The following LAMA2 variants were observed in gnomAD, a reference collection of about 807,000 sequenced individuals.
The protein encoded by LAMA2 is laminin subunit alpha 2.
A neutral mutation model predicts 364.8 loss-of-function variants in LAMA2; 269 were observed. The observed-to-expected ratio is 0.74, with a 90% CI of 0.67 to 0.82. LAMA2 has a LOEUF of 0.82. Ranked by LOEUF, LAMA2 falls within the 40% of genes least tolerant of loss-of-function variation. The pLI is 0.00. For synonymous variants in LAMA2, 1,379 were observed against 1,370.6 expected (o/e 1.01, Z -0.14); for missense variants, 3,807 against 3,873.2 (o/e 0.98, Z 0.45).
chr6:129,060,549 G>T (rs950880199), intron 3 of LAMA2, among the ~76,000 whole-genome samples: 1 of 152,182 alleles, frequency 6.6e-6, no homozygotes. Context: ...ATTTAGGCTT[G>T]CAATTAGGAT....
chr6:129,422,059 A>C (rs1424865279), intron 40 of LAMA2, among the ~76,000 whole-genome samples: 2 of 152,016 alleles, frequency 1.3e-5, no homozygotes, highest in African/African-American at 2.4e-5. Context: ...TGACCTGTCT[A>C]ATAGCCTTAC....
At chr6:129,068,960 T>C (rs1220912957) in intron 3 of LAMA2, among the ~76,000 whole-genome samples, 1 of 152,216 alleles carries the variant, frequency 6.6e-6, no homozygotes, top group Non-Finnish European at 1.5e-5. Context: ...AGGATATGTA[T>C]TTTGATCTAA....
intron 3 of LAMA2, among the ~76,000 whole-genome samples, chr6:129,066,193 C>G (rs1481247067): frequency 3.4e-5 from 5 of 148,786 alleles, no homozygotes; most frequent in African/African-American, 1.2e-4. Flanking sequence ...CTACAGGCGC[C>G]CGCCACTACG....
intron 12 of LAMA2, among the ~76,000 whole-genome samples, chr6:129,199,727 A>C (rs78063861): frequency 1.7e-4 from 26 of 152,298 alleles, no homozygotes; most frequent in Non-Finnish European, 3.5e-4. Flanking sequence ...ATAGCAATAC[A>C]TATAAATAGT....
chr6:129,473,849 A>T (rs534475275), intron 52 of LAMA2, among the ~76,000 whole-genome samples: 1 of 151,332 alleles, frequency 6.6e-6, no homozygotes, highest in East Asian at 1.9e-4. Flanking sequence ...CCATGCCAAC[A>T]TTTTTTTTTA....
At chr6:129,329,447 C>T (rs371090419) in intron 29 of LAMA2, among the ~76,000 whole-genome samples, 2 of 152,076 alleles carry the variant, frequency 1.3e-5, no homozygotes, top group Non-Finnish European at 2.9e-5. Flanking sequence ...CTGCAACCTC[C>T]GACTCCCGGG....
chr6:129,514,688 CT>C (rs1786893827), intron 64 of LAMA2, 93 bp downstream of exon 64: 2 of 958,480 alleles, frequency 2.1e-6, no homozygotes, highest in African/African-American at 3.2e-5. Flanking sequence ...AGAATGTGTG[CT>C]TATGTGTACT....
chr6:128,941,835 C>T (rs536157519), intron 1 of LAMA2, among the ~76,000 whole-genome samples: 1 of 152,058 alleles, frequency 6.6e-6, no homozygotes, highest in East Asian at 1.9e-4. Context: ...TCAAATGCAC[C>T]GTGCAGTTAG....
Position 129,280,147 on chromosome 6 carries a change from G to C in LAMA2, c.2537G>C (p.Arg846Thr). The C allele has an allele frequency of 6.3e-7, 1 of 1,589,032 alleles. No individual in the cohort carries two copies. Among genetic ancestry groups the C allele is most frequent in the Non-Finnish European group, 8.6e-7 (1 of 1,157,400 alleles). ...GGGTACACAGGACCACGCTGTGAGA[G>C]GTAAGAGTATACTACACTGTCTTGC... ...PVGYTGPRCE[R>T]CAEGYFGQPS... Residue 846 changes from arginine (R) to threonine (T), a missense_variant and splice_region_variant, in exon 18 of 65, where the codon AGG (arginine) becomes ACG (threonine). Arg to Thr is a moderately conservative substitution (Grantham distance 71). Coordinates refer to ENST00000421865, the MANE Select transcript of LAMA2 (RefSeq NM_000426.4).
chr6:129,164,826 G>A (rs1562290485), intron 8 of LAMA2, among the ~76,000 whole-genome samples: 1 of 152,106 alleles, frequency 6.6e-6, no homozygotes. Flanking sequence ...GTGAATTGCA[G>A]TTTAACAGCT....
At chr6:129,379,376 T>A (rs1410331711) in intron 34 of LAMA2, among the ~76,000 whole-genome samples, 2 of 151,912 alleles carry the variant, frequency 1.3e-5, no homozygotes, top group Non-Finnish European at 2.9e-5. Context: ...CATGTATCCC[T>A]GAACTTAAAA....
intron 3 of LAMA2, among the ~76,000 whole-genome samples, chr6:129,090,823 C>T (rs1341103295): frequency 6.6e-6 from 1 of 152,142 alleles, no homozygotes; most frequent in African/African-American, 2.4e-5. Context: ...TGTTTCTGGT[C>T]ATTGATCAGC....
At chr6:128,948,689 G>T (rs1409461179) in intron 1 of LAMA2, among the ~76,000 whole-genome samples, 6 of 152,174 alleles carry the variant, frequency 3.9e-5, no homozygotes, top group Admixed American at 1.3e-4. Context: ...CTCATGAATG[G>T]TGTAGCACCA....
rs866554936 is a variant in LAMA2 at position 129,152,115 on chromosome 6, G to T, written c.1028-2390G>T. ...GATCTTACATATCAATAAGAAAAAA[G>T]TTAACCTGTTAGAAAGATCAAAACA... is the stretch of plus-strand genomic sequence containing the variant. On this transcript the variant is annotated intron_variant, in intron 7 of 64. Coordinates refer to ENST00000421865, the MANE Select transcript of LAMA2 (RefSeq NM_000426.4). 1.0e-3 allele frequency among the ~76,000 whole-genome samples: 158 copies of T among 152,248 alleles called. 1 individual carries two copies. Among genetic ancestry groups the T allele is most frequent in the African/African-American group, 3.7e-3 (154 of 41,568 alleles).
intron 60 of LAMA2, among the ~76,000 whole-genome samples, chr6:129,504,312 A>AACCACAAT (rs1785884947): frequency 6.6e-6 from 1 of 152,228 alleles, no homozygotes; most frequent in African/African-American, 2.4e-5. Flanking sequence ...ATGACATTTG[A>AACCACAAT]GAAAAAGACA....
At chr6:128,902,657 G>A (rs1046312557) in intron 1 of LAMA2, among the ~76,000 whole-genome samples, 1 of 152,122 alleles carries the variant, frequency 6.6e-6, no homozygotes, top group African/African-American at 2.4e-5. Context: ...AGTAGGGTGC[G>A]CTACGCAAAG....
chr6:129,238,651 A>G (rs1785179879), intron 12 of LAMA2, among the ~76,000 whole-genome samples: 1 of 152,104 alleles, frequency 6.6e-6, no homozygotes, highest in Non-Finnish European at 1.5e-5. Context: ...TTTAAAAGGA[A>G]TATATAAATC....
chr6:129,498,658 C>A (rs1785384030), intron 58 of LAMA2, among the ~76,000 whole-genome samples: 2 of 152,148 alleles, frequency 1.3e-5, no homozygotes, highest in Admixed American at 6.5e-5. Context: ...TTTTAGCCCA[C>A]ATTTATTAGA....
chr6:129,341,606 A>T (rs1283386261), intron 29 of LAMA2, among the ~76,000 whole-genome samples: 1 of 152,156 alleles, frequency 6.6e-6, no homozygotes, highest in Non-Finnish European at 1.5e-5. Flanking sequence ...ATGTTCTTTC[A>T]TTGCCTGTTT....
Sources: allele counts gnomAD v4.1 joint callset (sites outside exome capture counted in the v4.1 genomes callset), GRCh38; gene constraint gnomAD v4.1.1; transcripts MANE v1.5; gene names NCBI Gene and HGNC (gene_info 2026-07-23, HGNC 2026-07-21).